Variants in ITPR2 observed in about 807,000 individuals in gnomAD.
ITPR2 encodes the protein inositol 1,4,5-trisphosphate receptor type 2.
Under a neutral mutation model 317.1 loss-of-function variants are expected in ITPR2, and 207 were observed. The observed-to-expected ratio is 0.65, with a 90% CI of 0.58 to 0.73. The LOEUF (loss-of-function observed/expected upper bound fraction) is 0.73, where lower values mean the gene tolerates loss of function less well. ITPR2 is among the 30% of genes least tolerant of loss of function. The pLI, the probability that ITPR2 is intolerant of heterozygous loss-of-function variation, is 0.00. For synonymous variants in ITPR2, 1,156 were observed against 1,149.1 expected (o/e 1.01, Z -0.12); for missense variants, 2,613 against 3,284.0 (o/e 0.80, Z 4.99).
intron 1 of ITPR2, among the ~76,000 whole-genome samples, chr12:26,825,279 T>A (rs1419665571): frequency 1.3e-5 from 2 of 152,144 alleles, no homozygotes; most frequent in Non-Finnish European, 2.9e-5. Context: ...AAATGAACGA[T>A]CATTAAAATT....
At position 26,339,613 on chromosome 12, in the gene ITPR2, A is replaced by G. The variant is rs1938036850; in HGVS notation, c.8020-130T>C. ...CAGCATCATATAGAATATATTTATC[A>G]AAAAAGGGATTTTTTTAAAAGTGAA... On this transcript the variant is annotated intron_variant, in intron 56 of 56. Coordinates refer to ENST00000381340, the MANE Select transcript of ITPR2 (RefSeq NM_002223.4). The G allele has an allele frequency of 2.2e-5, 14 of 631,674 alleles. No individual in the cohort carries two copies. In the South Asian group the frequency reaches 2.9e-4, roughly 13 times the overall value. The allele number at this position is 631,674 out of a possible 1,614,324, so 39.1% of individuals were successfully genotyped here. A position where few individuals can be genotyped will look rare whatever the true frequency, so the allele number is the denominator to read the frequency against.
chr12:26,550,877 T>C (rs1944508441), intron 36 of ITPR2, among the ~76,000 whole-genome samples: 2 of 152,116 alleles, frequency 1.3e-5, no homozygotes, highest in South Asian at 4.1e-4. Context: ...GCAGTTTTTG[T>C]ATTAAGAGCA....
In ITPR2 at chr12:26,699,882, T is replaced by G. The variant is rs180717917; in HGVS notation, c.952-4232A>C. Among the ~76,000 whole-genome samples the G allele has an allele frequency of 1.3e-3, 204 of 152,290 alleles. 1 individual carries two copies. The highest frequency in any genetic ancestry group is 2.4e-3 in the Non-Finnish European group (165 of 68,014). ...AAGAAGGAGGAAAAAGACATGGTCA[T>G]ATGGAGGTCTTTTAGGACTTAATGT... On this transcript the variant is annotated intron_variant, in intron 9 of 56. Transcript: ENST00000381340.
chr12:26,724,182 T>C (rs1431692969), intron 4 of ITPR2, among the ~76,000 whole-genome samples: 1 of 152,110 alleles, frequency 6.6e-6, no homozygotes, highest in African/African-American at 2.4e-5. Context: ...AAGATCTAAG[T>C]GAAACACAGG....
intron 55 of ITPR2, among the ~76,000 whole-genome samples, chr12:26,370,211 G>A (rs1591969312): frequency 6.6e-6 from 1 of 152,176 alleles, no homozygotes; most frequent in Admixed American, 6.5e-5. Context: ...TCCAAAGTAT[G>A]AGTGGCCTGG....
intron 48 of ITPR2, among the ~76,000 whole-genome samples, chr12:26,430,967 A>T (rs1685705): frequency 6.6e-6 from 1 of 152,126 alleles, no homozygotes; most frequent in African/African-American, 2.4e-5. Flanking sequence ...CCACTCAGAA[A>T]TCCCTGGGTG....
intron 45 of ITPR2, among the ~76,000 whole-genome samples, chr12:26,452,912 A>T (rs7298923): frequency 0.69 from 104,734 of 151,974 alleles, 38,169 homozygotes; most frequent in Non-Finnish European, 0.82. Flanking sequence ...ATAGACTAAG[A>T]CATGTACTAA....
chr12:26,724,602 C>T, intron 4 of ITPR2, 54 bp downstream of exon 4: 3 of 1,151,712 alleles, frequency 2.6e-6, no homozygotes, highest in Non-Finnish European at 3.9e-6. Flanking sequence ...TTCCTGCCAA[C>T]TTACTGACAA....
intron 54 of ITPR2, among the ~76,000 whole-genome samples, chr12:26,396,387 T>A (rs1591988365): frequency 6.6e-6 from 1 of 152,090 alleles, no homozygotes; most frequent in Non-Finnish European, 1.5e-5. Flanking sequence ...GAGAAACCAG[T>A]AGGCTTTTTA....
At chr12:26,562,428 A>T (rs1184357321) in intron 34 of ITPR2, among the ~76,000 whole-genome samples, 1 of 152,028 alleles carries the variant, frequency 6.6e-6, no homozygotes, top group African/African-American at 2.4e-5. Context: ...GGAAGAGGGC[A>T]CTCTTCCCGA....
chr12:26,379,696 C>G (rs1124636), intron 55 of ITPR2, among the ~76,000 whole-genome samples: 4 of 152,122 alleles, frequency 2.6e-5, no homozygotes, highest in Non-Finnish European at 4.4e-5. Context: ...ATGCCTGATA[C>G]AGCCAGAGGC....
At chr12:26,801,799 G>C (rs904880144) in intron 1 of ITPR2, among the ~76,000 whole-genome samples, 2 of 151,912 alleles carry the variant, frequency 1.3e-5, no homozygotes, top group African/African-American at 4.8e-5. Context: ...GTATAACTTT[G>C]GACAAATTGT....
intron 26 of ITPR2, among the ~76,000 whole-genome samples, chr12:26,605,872 G>A (rs1244427641): frequency 6.6e-6 from 1 of 152,150 alleles, no homozygotes; most frequent in Non-Finnish European, 1.5e-5. Context: ...AAAAACCCAT[G>A]GAACATCTGG....
chr12:26,687,031 A>G (rs1414960414), intron 10 of ITPR2, among the ~76,000 whole-genome samples: 2 of 152,236 alleles, frequency 1.3e-5, no homozygotes, highest in African/African-American at 4.8e-5. Flanking sequence ...AGTGTGCAGG[A>G]GTTCATACCT....
chr12:26,628,063 T>C lies in ITPR2; in HGVS notation c.3034A>G (p.Ser1012Gly). ...GGTAGTAAAGTGTCTGGAGATCCAC[T>C]GGCAGATGTCTCCGCATTGTCATTG... ...EDNDNAETSASGSPDTLLPSA... is the reference protein window; with the variant it reads ...EDNDNAETSAGGSPDTLLPSA... Residue 1012 changes from serine (S) to glycine (G), a missense_variant, in exon 23 of 57, where the codon AGT (serine) becomes GGT (glycine). By Grantham distance (56) the Ser-to-Gly change is moderately conservative. This residue lies in a region of ITPR2 where 817 missense variants were observed against 897.6 expected (regional missense o/e 0.91). Transcript: ENST00000381340. The C allele has an allele frequency of 1.9e-6, 3 of 1,613,016 alleles. No individual in the cohort carries two copies. The East Asian group carries it at 6.7e-5, about 36-fold the overall frequency.
intron 45 of ITPR2, among the ~76,000 whole-genome samples, chr12:26,444,073 C>T (rs1941552188): frequency 1.3e-5 from 2 of 152,134 alleles, no homozygotes; most frequent in Non-Finnish European, 2.9e-5. Context: ...TCTCTTATAG[C>T]ATGTAATCTA....
intron 39 of ITPR2, among the ~76,000 whole-genome samples, chr12:26,492,909 GTGTGTGTGTGTATA>G (rs1213661659): frequency 1.5e-4 from 20 of 129,492 alleles, no homozygotes; most frequent in Admixed American, 1.3e-3. Context: ...GTGTGTGTAT[GTGTGTGTGTGTATA>G]TATATATATA....
intron 2 of ITPR2, among the ~76,000 whole-genome samples, chr12:26,776,702 A>C (rs961969510): frequency 6.6e-6 from 1 of 152,214 alleles, no homozygotes; most frequent in Admixed American, 6.5e-5. Flanking sequence ...TCCCTTCCCC[A>C]ACTCATGTTG....
chr12:26,451,365 TCACACACACACACACACACACACA>T (rs57642539), intron 45 of ITPR2, among the ~76,000 whole-genome samples: 7 of 136,324 alleles, frequency 5.1e-5, no homozygotes, highest in African/African-American at 2.1e-4. Context: ...TTCTCTCATA[TCACACACACACACACACACACACA>T]CACACACACA....
Sources: gnomAD v4.1 joint callset for allele counts (sites outside exome capture counted in the v4.1 genomes callset) on GRCh38, gnomAD v4.1.1 for gene constraint, gnomAD v4.1.1 regional missense constraint, MANE v1.5 for transcripts, NCBI Gene and HGNC (gene_info 2026-07-23, HGNC 2026-07-21) for gene names.